Variants in TRPS1 observed in about 807,000 individuals in gnomAD.
TRPS1 encodes the protein zinc finger transcription factor Trps1.
Under a neutral mutation model 101.2 loss-of-function variants are expected in TRPS1, and 6 were observed. The ratio of observed to expected loss-of-function variants is 0.06; its 90% CI spans 0.03 to 0.12. The LOEUF (loss-of-function observed/expected upper bound fraction) is 0.12, where lower values mean the gene tolerates loss of function less well. TRPS1 is among the 10% of genes least tolerant of loss of function. The pLI is 1.00. For missense variants in TRPS1, 1,363 were observed against 1,567.0 expected (o/e 0.87, Z 2.20); for synonymous variants, 578 against 589.8 (o/e 0.98, Z 0.29).
At chr8:115,501,577 T>C (rs762539869) in intron 5 of TRPS1, among the ~76,000 whole-genome samples, 1 of 152,212 alleles carries the variant, frequency 6.6e-6, no homozygotes, top group East Asian at 1.9e-4. Context: ...ATCCCAAATA[T>C]GTGAAGTTCA....
Position 115,587,300 on chromosome 8 carries a change from C to T in TRPS1, c.2401G>A (p.Asp801Asn). 6.2e-7 allele frequency: 1 copy of T among 1,614,202 alleles called. No homozygotes were observed. The highest frequency in any genetic ancestry group is 8.5e-7 in the Non-Finnish European group (1 of 1,180,036). Residue 801 changes from aspartate to asparagine, a missense_variant, in exon 5 of 7, where the codon GAC (aspartate) becomes AAC (asparagine). Transcript: ENST00000395715. ...EKVWTESSSDDLRNVTWRGAD... is the reference protein window; with the variant it reads ...EKVWTESSSDNLRNVTWRGAD... ...CCTCTCCAAGTCACATTGCGAAGGTCATCACTGGAACTCTCGGTCCAAACT... is the reference window on the plus strand; with the variant it reads ...CCTCTCCAAGTCACATTGCGAAGGTTATCACTGGAACTCTCGGTCCAAACT...
chr8:115,517,972 T>C (rs1464430629), intron 5 of TRPS1, among the ~76,000 whole-genome samples: 1 of 434 alleles, frequency 2.3e-3, no homozygotes, highest in African/African-American at 8.5e-3. Context: ...CTGGATCCAG[T>C]AGATGTTCAG....
chr8:115,455,252 T>G (rs1226423697), intron 5 of TRPS1, among the ~76,000 whole-genome samples: 1 of 152,190 alleles, frequency 6.6e-6, no homozygotes, highest in East Asian at 1.9e-4. Context: ...TAATTTCACA[T>G]GAGATGTGTA....
At position 115,513,938 on chromosome 8, in the gene TRPS1, T is replaced by C. The variant is rs569429261; in HGVS notation, c.2700+73063A>G. On this transcript the variant is annotated intron_variant, in intron 5 of 6. Coordinates refer to ENST00000395715, the MANE Select transcript of TRPS1 (RefSeq NM_014112.5). ...TTATAGCTAGAGAGTCAGATTATGG[T>C]ACACAAAGGCTTCTCTGTTATGACC... Among the ~76,000 whole-genome samples, 3 of 151,804 alleles carry C rather than the reference T, an allele frequency of 2.0e-5. No individual in the cohort carries two copies. In the South Asian group the frequency reaches 6.2e-4, roughly 31 times the overall value.
chr8:115,441,866 TGA>T (rs56875076), intron 5 of TRPS1, among the ~76,000 whole-genome samples: 3,469 of 138,720 alleles, frequency 0.025, 78 homozygotes, highest in Admixed American at 0.048. Context: ...CAATTGAGAG[TGA>T]GAGAGAGAGA....
chr8:115,668,187 A>T, intron 1 of TRPS1: 1 of 530,748 alleles, frequency 1.9e-6, no homozygotes, highest in Non-Finnish European at 3.4e-6. Flanking sequence ...CAAAGCTCAG[A>T]TGCCTCAGAC....
In TRPS1 at chr8:115,418,195, G is replaced by A. The variant is rs1812966811; in HGVS notation, c.2823+135C>T. ...GCCCCCTTCACCATAAATCACATGT[G>A]CACTCAAAGTGACTGTATTAAAACA... On this transcript the variant is annotated intron_variant, in intron 6 of 6. Transcript: ENST00000395715. This position sits in a 1 kb window ranked among gnomAD's most constrained non-coding sequence, Gnocchi z 4.3. 2 of 1,413,244 alleles carry A rather than the reference G, an allele frequency of 1.4e-6. No homozygotes were observed. The highest frequency in any genetic ancestry group is 2.2e-4 in the Middle Eastern group (1 of 4,466). The allele number at this position is 1,413,244 out of a possible 1,614,324, so 87.5% of individuals were successfully genotyped here. A position where few individuals can be genotyped will look rare whatever the true frequency, so the allele number is the denominator to read the frequency against.
intron 5 of TRPS1, among the ~76,000 whole-genome samples, chr8:115,470,454 C>T (rs1474249584): frequency 6.6e-6 from 1 of 151,970 alleles, no homozygotes; most frequent in Non-Finnish European, 1.5e-5. Flanking sequence ...AAGATCATTG[C>T]CTATCTTACC....
chr8:115,408,838 A>C lies in TRPS1; in HGVS notation c.*5185T>G, dbSNP rs1812716526. 6.6e-6 allele frequency: 1 copy of C among 152,108 alleles called. No individual in the cohort carries two copies. Among genetic ancestry groups the C allele is most frequent in the African/African-American group, 2.4e-5 (1 of 41,312 alleles). 9.4% of individuals were successfully genotyped at this position (152,108 alleles called of 1,614,324 possible). A position where few individuals can be genotyped will look rare whatever the true frequency, so the allele number is the denominator to read the frequency against. ...GATGTTCCCCCCTCATGCCTCCCCC[A>C]AAGTTTTCCATGTGGTTGTCAAATA... On this transcript the variant is annotated 3_prime_UTR_variant, in exon 7 of 7. Transcript: ENST00000395715.
chr8:115,504,136 T>C (rs1815384410), intron 5 of TRPS1, among the ~76,000 whole-genome samples: 1 of 152,190 alleles, frequency 6.6e-6, no homozygotes, highest in Non-Finnish European at 1.5e-5. Flanking sequence ...CCAAGTGCTT[T>C]GGCTTCAATT....
At chr8:115,609,258 T>A (rs1404501054) in intron 3 of TRPS1, among the ~76,000 whole-genome samples, 2 of 152,128 alleles carry the variant, frequency 1.3e-5, no homozygotes, top group African/African-American at 2.4e-5. Flanking sequence ...TTCAAGTAAA[T>A]TTTTCCTGCA....
chr8:115,579,434 C>T (rs1817393300), intron 5 of TRPS1, among the ~76,000 whole-genome samples: 1 of 152,034 alleles, frequency 6.6e-6, no homozygotes, highest in Non-Finnish European at 1.5e-5. Context: ...GATCAAGCAT[C>T]AGTCTTGTAT....
At chr8:115,481,925 G>A (rs544718638) in intron 5 of TRPS1, among the ~76,000 whole-genome samples, 39 of 152,232 alleles carry the variant, frequency 2.6e-4, no homozygotes, top group African/African-American at 8.2e-4. Flanking sequence ...GGAAAATTTC[G>A]GTAAGTTTAG....
chr8:115,657,472 G>A (rs1811701259), intron 1 of TRPS1, among the ~76,000 whole-genome samples: 1 of 152,080 alleles, frequency 6.6e-6, no homozygotes, highest in Non-Finnish European at 1.5e-5. Context: ...GAATTTATAA[G>A]CTACCAGAAA....
In TRPS1 at chr8:115,412,835, C is replaced by G. The variant is rs902067342; in HGVS notation, c.*1188G>C. The G allele has an allele frequency of 2.6e-5, 4 of 152,418 alleles. No homozygotes were observed. The highest frequency in any genetic ancestry group is 9.7e-5 in the African/African-American group (4 of 41,406). The allele number at this position is 152,418 out of a possible 1,614,324, so 9.4% of individuals were successfully genotyped here. On this transcript the variant is annotated 3_prime_UTR_variant, in exon 7 of 7. Transcript: ENST00000395715. The stretch of plus-strand genomic sequence containing the variant: ...CCCTTCATGGATAGTTTTTACAAAG[C>G]CTTAAGTATTAAAAGTTCTATGAGG...
chr8:115,561,724 T>A (rs369112762), intron 5 of TRPS1, among the ~76,000 whole-genome samples: 5 of 151,920 alleles, frequency 3.3e-5, no homozygotes, highest in East Asian at 1.9e-4. Context: ...CATGCACAGC[T>A]ACGAATGCAT....
intron 5 of TRPS1, among the ~76,000 whole-genome samples, chr8:115,549,437 A>T (rs1816651807): frequency 6.6e-6 from 1 of 152,190 alleles, no homozygotes; most frequent in African/African-American, 2.4e-5. Flanking sequence ...AAATTCTTCT[A>T]AGCAAAAGTT....
At chr8:115,504,204 T>C (rs1299224995) in intron 5 of TRPS1, among the ~76,000 whole-genome samples, 9 of 152,162 alleles carry the variant, frequency 5.9e-5, no homozygotes, top group Non-Finnish European at 1.3e-4. Flanking sequence ...TATTTAAAAA[T>C]ATATTTAGTG....
intron 5 of TRPS1, among the ~76,000 whole-genome samples, chr8:115,571,094 A>G (rs970800503): frequency 3.3e-5 from 5 of 152,208 alleles, no homozygotes; most frequent in African/African-American, 9.6e-5. Flanking sequence ...CTATTATGAC[A>G]CAAGTGCAGA....
Sources: gnomAD v4.1 joint callset for allele counts (sites outside exome capture counted in the v4.1 genomes callset) on GRCh38, gnomAD v4.1.1 for gene constraint, Gnocchi (gnomAD v3.1) non-coding constraint, MANE v1.5 for transcripts, NCBI Gene and HGNC (gene_info 2026-07-23, HGNC 2026-07-21) for gene names.